Variants in GOLGA6L7 observed in about 807,000 individuals in gnomAD.
GOLGA6L7 encodes the protein golgin subfamily A member 6-like protein 7.
Under a neutral mutation model 68.9 loss-of-function variants are expected in GOLGA6L7, and 29 were observed. The ratio of observed to expected loss-of-function variants is 0.42; its 90% confidence interval spans 0.31 to 0.57. GOLGA6L7 has a LOEUF of 0.57. GOLGA6L7 is among the 20% of genes least tolerant of loss of function. GOLGA6L7 has a pLI of 0.13. For synonymous variants in GOLGA6L7, 133 were observed against 197.4 expected (o/e 0.67, Z 2.73); for missense variants, 396 against 588.4 (o/e 0.67, Z 3.38).
At chr15:28,844,507 C>T (rs561179971) in intron 6 of GOLGA6L7, among the ~76,000 whole-genome samples, 19 of 150,486 alleles carry the variant, frequency 1.3e-4, no homozygotes, top group Non-Finnish European at 1.9e-4. Context: ...CTCACCCCAC[C>T]GCAACCTCCG....
rs758313498 is a variant in GOLGA6L7, at chr15:28,847,061, C to G, written c.180+3G>C. The G allele has an allele frequency of 5.7e-6, 6 of 1,048,280 alleles. No homozygotes were observed. The highest frequency in any genetic ancestry group is 8.7e-6 in the Non-Finnish European group (6 of 691,242). 64.9% of individuals were successfully genotyped at this position (1,048,280 alleles called of 1,614,324 possible). On this transcript the variant is annotated splice_donor_region_variant and intron_variant, in intron 2 of 8. Transcript: ENST00000567390. ...CTCAGGAGACCGGCCAGCCAAGACTCACATCCTCAGGCGAGTGGCAGCCCC... is the reference window on the plus strand; with the variant it reads ...CTCAGGAGACCGGCCAGCCAAGACTGACATCCTCAGGCGAGTGGCAGCCCC...
chr15:28,845,807 T>C lies in GOLGA6L7; in HGVS notation c.266A>G (p.Gln89Arg). The change falls in exon 5 of 9, where the codon CAG becomes CGG. Residue 89 changes from glutamine to arginine, a missense_variant. Transcript: ENST00000567390. ...CATAAGGATTCGTATGGTATGATCC[T>C]GGGCCTTTGGGAGACAAGAAAAGCA... The part of the protein sequence containing the change: ...QQALRRQLEA[Q>R]DHTIRILMCQ... The C allele has an allele frequency of 1.2e-6, 1 of 869,042 alleles. No individual in the cohort carries two copies. Among genetic ancestry groups the C allele is most frequent in the East Asian group, 2.4e-5 (1 of 41,058 alleles). The allele number at this position is 869,042 out of a possible 1,614,324, so 53.8% of individuals were successfully genotyped here. A position where few individuals can be genotyped will look rare whatever the true frequency, so the allele number is the denominator to read the frequency against.
rs1166644750 is a variant in GOLGA6L7 at position 28,842,273 on chromosome 15, C to T, written c.1831G>A (p.Gly611Arg). The T allele has an allele frequency of 1.5e-5, 19 of 1,228,630 alleles. No homozygotes were observed. The highest frequency in any genetic ancestry group is 4.1e-5 in the South Asian group (1 of 24,234). The allele number at this position is 1,228,630 out of a possible 1,614,324, so 76.1% of individuals were successfully genotyped here. The stretch of plus-strand genomic sequence containing the variant: ...ATCTTGATCTTTTTCTTGTCTCCTC[C>T]GTAGAAGAATGGGATGCAGGAGGTG... Reference protein sequence around the residue: ...GSTSCIPFFYGGDKKKIKIIS... With the variant: ...GSTSCIPFFYRGDKKKIKIIS... Residue 611 changes from glycine to arginine, a missense_variant, in exon 9 of 9, where the codon GGA becomes AGA. Physicochemically the swap from Gly to Arg is moderately radical, Grantham distance 125. Around this residue, in one of 5 missense-constraint regions of GOLGA6L7, gnomAD observed 125 missense variants for 163.3 expected, o/e 0.77. Transcript: ENST00000567390.
In GOLGA6L7 at chr15:28,842,225, A is replaced by T. The variant is rs769152680; in HGVS notation, c.*10T>A. 4.1e-6 allele frequency: 5 copies of T among 1,227,632 alleles called. No individual in the cohort carries two copies. Among genetic ancestry groups the T allele is most frequent in the Non-Finnish European group, 4.1e-6 (4 of 983,998 alleles). 76.0% of individuals were successfully genotyped at this position (1,227,632 alleles called of 1,614,324 possible). A position where few individuals can be genotyped will look rare whatever the true frequency, so the allele number is the denominator to read the frequency against. ...GCTTACACTTCTGTAGGCCTTGTTG[A>T]CCGTTCTTTTTAGATACTGATGATC... On this transcript the variant is annotated 3_prime_UTR_variant, in exon 9 of 9. Transcript: ENST00000567390.
Position 28,845,796 on chromosome 15 carries a change from T to G in GOLGA6L7, c.277A>C (p.Ile93Leu), listed in dbSNP as rs4079648. ...RRQLEAQDHT[I>L]RILMCQKTEL... ...GTTTTCTGACACATAAGGATTCGTATGGTATGATCCTGGGCCTTTGGGAGA... is the reference window on the plus strand; with the variant it reads ...GTTTTCTGACACATAAGGATTCGTAGGGTATGATCCTGGGCCTTTGGGAGA... The change falls in exon 5 of 9, where the codon ATA becomes CTA. Residue 93 changes from isoleucine to leucine, a missense_variant. Transcript: ENST00000567390. 3 of 840,924 alleles carry G rather than the reference T, an allele frequency of 3.6e-6. No individual in the cohort carries two copies. The highest frequency in any genetic ancestry group is 6.1e-6 in the Non-Finnish European group (3 of 493,846). The allele number at this position is 840,924 out of a possible 1,614,324, so 52.1% of individuals were successfully genotyped here.
rs4079649 is a variant in GOLGA6L7 at position 28,845,795 on chromosome 15, A to G, written c.278T>C (p.Ile93Thr). 2 of 839,688 alleles carry G rather than the reference A, an allele frequency of 2.4e-6. No homozygotes were observed. The highest frequency in any genetic ancestry group is 1.8e-5 in the Admixed American group (1 of 55,448). 52.0% of individuals were successfully genotyped at this position (839,688 alleles called of 1,614,324 possible). ...AGTTTTCTGACACATAAGGATTCGT[A>G]TGGTATGATCCTGGGCCTTTGGGAG... ...RRQLEAQDHT[I>T]RILMCQKTEL... The change falls in exon 5 of 9, where the codon ATA (isoleucine) becomes ACA (threonine). Residue 93 changes from isoleucine to threonine, a missense_variant. Transcript: ENST00000567390.
At chr15:28,848,228 T>G (rs1427411422) in intron 1 of GOLGA6L7, among the ~76,000 whole-genome samples, 1 of 151,862 alleles carries the variant, frequency 6.6e-6, no homozygotes, top group Non-Finnish European at 1.5e-5. Flanking sequence ...GAGATCCATT[T>G]TTGGACAATA....
At chr15:28,846,309 C>T (rs2030429272) in intron 2 of GOLGA6L7, 60 bp from the exon 3 acceptor site, 4 of 750,930 alleles carry the variant, frequency 5.3e-6, no homozygotes, top group African/African-American at 3.4e-5. Context: ...TTCCCCAGGC[C>T]AGGAAGCGGT....
At chr15:28,843,469 G>A (rs1328705415) in intron 8 of GOLGA6L7, 29 bp from the exon 9 acceptor site, 1 of 481,412 alleles carries the variant, frequency 2.1e-6, no homozygotes, top group Non-Finnish European at 3.4e-6. Context: ...CATAAGCTAG[G>A]TATATAAATG....
At position 28,842,998 on chromosome 15, in the gene GOLGA6L7, A is replaced by C. The variant is rs1342020560; in HGVS notation, c.1106T>G (p.Ile369Arg). Residue 369 changes from isoleucine to arginine, a missense_variant, in exon 9 of 9, where the codon ATA becomes AGA. Physicochemically the swap from Ile to Arg is moderately conservative, Grantham distance 97 (BLOSUM62 -3). Coordinates refer to ENST00000567390, the MANE Select transcript of GOLGA6L7 (RefSeq NM_001365371.2). ...EEQMWKQEEQ[I>R]GEQEEQMRKQ... Reference sequence around the variant, plus strand: ...CCGCATCTGCTCCTCCTGCTCCCCTATCTGCTCCTCCTGCTTCCACATCTG... The same window carrying C: ...CCGCATCTGCTCCTCCTGCTCCCCTCTCTGCTCCTCCTGCTTCCACATCTG... The C allele has an allele frequency of 3.3e-6, 4 of 1,229,262 alleles. No individual in the cohort carries two copies. The East Asian group carries it at 1.3e-4, about 40-fold the overall frequency. The allele number at this position is 1,229,262 out of a possible 1,614,324, so 76.1% of individuals were successfully genotyped here.
intron 7 of GOLGA6L7, 67 bp from the exon 8 acceptor site, chr15:28,843,942 C>G (rs1413817263): frequency 1.7e-5 from 12 of 710,474 alleles, no homozygotes; most frequent in African/African-American, 3.6e-5. Flanking sequence ...GTGATCGACC[C>G]TCTACCCTCG....
intron 8 of GOLGA6L7, 76 bp from the exon 9 acceptor site, chr15:28,843,516 TA>T: frequency 2.2e-6 from 1 of 461,898 alleles, no homozygotes; most frequent in Non-Finnish European, 3.7e-6. Flanking sequence ...TATGATTCTT[TA>T]AAAAGAAATT....
rs28552837 is a variant in GOLGA6L7, at chr15:28,842,627, G to C, written c.1477C>G (p.Arg493Gly). 1.2e-5 allele frequency: 15 copies of C among 1,291,874 alleles called. No individual in the cohort carries two copies. The highest frequency in any genetic ancestry group is 6.1e-5 in the East Asian group (2 of 32,824). 80.0% of individuals were successfully genotyped at this position (1,291,874 alleles called of 1,614,324 possible). Residue 493 changes from arginine (R) to glycine (G), a missense_variant, in exon 9 of 9, where the codon CGG becomes GGG. This residue lies in a region of GOLGA6L7 where 125 missense variants were observed against 163.3 expected (regional missense o/e 0.77). Coordinates refer to ENST00000567390, the MANE Select transcript of GOLGA6L7 (RefSeq NM_001365371.2). The part of the protein sequence containing the change: ...EQMGEQEEQM[R>G]KQVERLQFKE... ...AATTGCAGCCTCTCCACCTGCTTCCGCATCTGCTCCTCCTGCTCCCCCATC... is the reference window on the plus strand; with the variant it reads ...AATTGCAGCCTCTCCACCTGCTTCCCCATCTGCTCCTCCTGCTCCCCCATC...
rs2030218728 is a variant in GOLGA6L7 at position 28,842,367 on chromosome 15, G to A, written c.1737C>T (p.Asn579=). 8.1e-7 allele frequency: 1 copy of A among 1,236,404 alleles called. No homozygotes were observed. Among genetic ancestry groups the A allele is most frequent in the Non-Finnish European group, 1.0e-6 (1 of 988,088 alleles). 76.6% of individuals were successfully genotyped at this position (1,236,404 alleles called of 1,614,324 possible). The change falls in exon 9 of 9, where the codon AAC becomes AAT. Residue 579 remains asparagine, a synonymous_variant. Transcript: ENST00000567390. The part of the protein sequence containing the change: ...REAGKGYSHD[N]RTAQIMQLPP... ...GCAGCTGCATGATCTGTGCAGTGCG[G>A]TTGTCATGGGAATAACCCTTCCCGG... is the stretch of plus-strand genomic sequence containing the variant.
At chr15:28,844,538 C>T (rs1223615785) in intron 6 of GOLGA6L7, among the ~76,000 whole-genome samples, 1 of 148,880 alleles carries the variant, frequency 6.7e-6, no homozygotes, top group East Asian at 2.0e-4. Flanking sequence ...TCAAGCGATT[C>T]TTCTGCCTCA....
chr15:28,844,447 T>TTTTG (rs2030336652), intron 6 of GOLGA6L7, among the ~76,000 whole-genome samples, 184 bp from the exon 7 acceptor site: 2 of 149,062 alleles, frequency 1.3e-5, no homozygotes, highest in African/African-American at 5.0e-5. Context: ...TTTTTTTTTT[T>TTTTG]GAGATGGAGT....
chr15:28,842,013 G>T lies in GOLGA6L7; in HGVS notation c.*222C>A. On this transcript the variant is annotated 3_prime_UTR_variant, in exon 9 of 9. Coordinates refer to ENST00000567390, the MANE Select transcript of GOLGA6L7 (RefSeq NM_001365371.2). ...CACCCAGCCTGGAGTGCAGTGGTGT[G>T]ATCTCAGCTCACTGCAACCTCAACC... The T allele has an allele frequency of 3.2e-6, 1 of 312,202 alleles. No individual in the cohort carries two copies. Among genetic ancestry groups the T allele is most frequent in the East Asian group, 5.0e-5 (1 of 19,856 alleles). 19.3% of individuals were successfully genotyped at this position (312,202 alleles called of 1,614,324 possible). A position where few individuals can be genotyped will look rare whatever the true frequency, so the allele number is the denominator to read the frequency against.
chr15:28,844,402 A>T (rs2030332375), intron 6 of GOLGA6L7, 139 bp from the exon 7 acceptor site: 4 of 383,170 alleles, frequency 1.0e-5, no homozygotes, highest in Non-Finnish European at 1.8e-5. Context: ...GGCGTTTCCA[A>T]ACCCGTGGTG....
At chr15:28,846,326 G>C (rs1488860876) in intron 2 of GOLGA6L7, 77 bp from the exon 3 acceptor site, 3 of 735,916 alleles carry the variant, frequency 4.1e-6, no homozygotes, top group Non-Finnish European at 7.4e-6. Context: ...CGGTAGGCAG[G>C]GGTCAGGAAT....
Sources: gnomAD v4.1 joint callset for allele counts (sites outside exome capture counted in the v4.1 genomes callset) on GRCh38, gnomAD v4.1.1 for gene constraint, gnomAD v4.1.1 regional missense constraint, MANE v1.5 for transcripts, NCBI Gene and HGNC (gene_info 2026-07-23, HGNC 2026-07-21) for gene names.